CSMD1: variants seen among roughly 807,000 people sequenced by gnomAD.
CSMD1 encodes CUB and sushi domain-containing protein 1.
In CSMD1, 213 loss-of-function variants were observed where a neutral mutation model predicts 417.5. The observed-to-expected ratio is 0.51, with a 90% confidence interval of 0.46 to 0.57. The LOEUF is 0.57. CSMD1 is among the 20% of genes least tolerant of loss of function. CSMD1 has a pLI of 0.00. For missense variants in CSMD1, 6,923 were observed against 4,529.7 expected (o/e 1.53, Z -15.17); for synonymous variants, 2,862 against 1,736.8 (o/e 1.65, Z -16.11).
intron 25 of CSMD1, among the ~76,000 whole-genome samples, chr8:3,300,611 A>C (rs1482311098): frequency 1.3e-5 from 2 of 152,136 alleles, no homozygotes; most frequent in African/African-American, 2.4e-5. Flanking sequence ...ATATAAATAT[A>C]AGCAAAGATT....
intron 3 of CSMD1, among the ~76,000 whole-genome samples, chr8:4,161,460 TG>T (rs1313860440): frequency 6.6e-6 from 1 of 152,230 alleles, no homozygotes; most frequent in African/African-American, 2.4e-5. Flanking sequence ...ATAAGTTGAA[TG>T]GCTTACTCAA....
intron 3 of CSMD1, among the ~76,000 whole-genome samples, chr8:4,206,927 C>T (rs758617105): frequency 6.6e-6 from 1 of 152,048 alleles, no homozygotes; most frequent in African/African-American, 2.4e-5. Context: ...GGGCAAATTG[C>T]CCTCCTCTTT....
At chr8:4,852,329 G>A (rs1330277334) in intron 1 of CSMD1, among the ~76,000 whole-genome samples, 1 of 152,060 alleles carries the variant, frequency 6.6e-6, no homozygotes, top group Non-Finnish European at 1.5e-5. Context: ...TGCTATCCTT[G>A]CAACAGTGAG....
At chr8:4,315,826 G>C (rs1441601483) in intron 3 of CSMD1, among the ~76,000 whole-genome samples, 1 of 152,140 alleles carries the variant, frequency 6.6e-6, no homozygotes, top group South Asian at 2.1e-4. Context: ...TTCTTCAGAA[G>C]CGTTTTCAAA....
At chr8:4,540,772 C>G (rs950901428) in intron 2 of CSMD1, among the ~76,000 whole-genome samples, 5 of 152,024 alleles carry the variant, frequency 3.3e-5, no homozygotes, top group Non-Finnish European at 7.4e-5. Flanking sequence ...TTAATCATCC[C>G]GGACCAGTGA....
chr8:3,781,451 G>C (rs1010569580), intron 5 of CSMD1, among the ~76,000 whole-genome samples: 1 of 152,056 alleles, frequency 6.6e-6, no homozygotes, highest in Non-Finnish European at 1.5e-5. Context: ...TCCTCTCAGA[G>C]AATACGGGTT....
intron 1 of CSMD1, among the ~76,000 whole-genome samples, chr8:4,860,888 C>T (rs1179189019): frequency 2.6e-5 from 4 of 152,120 alleles, no homozygotes; most frequent in African/African-American, 7.3e-5. Flanking sequence ...GCTAGAGAAA[C>T]CTTCCTCTGA....
chr8:4,850,911 C>G (rs927929333), intron 1 of CSMD1, among the ~76,000 whole-genome samples: 3 of 147,534 alleles, frequency 2.0e-5, no homozygotes, highest in African/African-American at 7.6e-5. Flanking sequence ...CCCTTGCCCC[C>G]CCACTTTTTG....
rs557999243 is a variant in CSMD1, at chr8:4,189,719, C to G, written c.416-157620G>C. On this transcript the variant is annotated intron_variant, in intron 3 of 69. Coordinates refer to ENST00000635120, the MANE Select transcript of CSMD1 (RefSeq NM_033225.6). Reference sequence around the variant, plus strand: ...TGAGAATTAATTTTTCATTTGTATTCTAATTAATACTTTTGACATTAGAAA... The same window carrying G: ...TGAGAATTAATTTTTCATTTGTATTGTAATTAATACTTTTGACATTAGAAA... Among the ~76,000 whole-genome samples, 157 of 152,074 alleles carry G rather than the reference C, an allele frequency of 1.0e-3. 6 individuals carry two copies. In the South Asian group the frequency reaches 0.013, roughly 13 times the overall value.
intron 25 of CSMD1, among the ~76,000 whole-genome samples, chr8:3,300,647 A>T (rs1804320057): frequency 1.3e-5 from 2 of 152,116 alleles, no homozygotes; most frequent in South Asian, 4.1e-4. Context: ...TTGTCACATC[A>T]TTATGTACAA....
chr8:4,356,136 C>A (rs755448341), intron 3 of CSMD1, among the ~76,000 whole-genome samples: 1 of 152,152 alleles, frequency 6.6e-6, no homozygotes, highest in East Asian at 1.9e-4. Context: ...TTCCCAAAGT[C>A]CATTGTATCT....
At chr8:3,221,059 A>G (rs894339630) in intron 28 of CSMD1, among the ~76,000 whole-genome samples, 3 of 152,100 alleles carry the variant, frequency 2.0e-5, no homozygotes, top group Non-Finnish European at 4.4e-5. Context: ...GTAATCACTA[A>G]AATGTTCTAG....
rs772264271 is a variant in CSMD1 at position 3,223,778 on chromosome 8, A to G, written c.4435T>C (p.Trp1479Arg). The G allele has an allele frequency of 1.2e-6, 2 of 1,613,968 alleles. No individual in the cohort carries two copies. Among genetic ancestry groups the G allele is most frequent in the South Asian group, 1.1e-5 (1 of 91,086 alleles). Residue 1479 changes from tryptophan to arginine, a missense_variant, in exon 28 of 70, where the codon TGG (tryptophan) becomes CGG (arginine). Trp to Arg is a moderately radical substitution (Grantham distance 101). Coordinates refer to ENST00000635120, the MANE Select transcript of CSMD1 (RefSeq NM_033225.6). ...QPYPPGKECDWRVKVNPDFVI... is the reference protein window; with the variant it reads ...QPYPPGKECDRRVKVNPDFVI... ...AAGTCCGGGTTCACTTTTACTCTCC[A>G]GTCACATTCCTTCCCAGGAGGATAC...
At chr8:3,675,727 C>A (rs1221695263) in intron 7 of CSMD1, among the ~76,000 whole-genome samples, 1 of 152,038 alleles carries the variant, frequency 6.6e-6, no homozygotes, top group African/African-American at 2.4e-5. Context: ...CTATAAGCAC[C>A]TTGATCTTGG....
intron 1 of CSMD1, among the ~76,000 whole-genome samples, chr8:4,811,936 G>T (rs762799300): frequency 2.6e-5 from 4 of 152,160 alleles, no homozygotes; most frequent in South Asian, 2.1e-4. Flanking sequence ...TCTGATAGGC[G>T]CATTAGAATA....
chr8:3,364,329 G>A (rs948005536), intron 20 of CSMD1, among the ~76,000 whole-genome samples: 1 of 152,096 alleles, frequency 6.6e-6, no homozygotes. Context: ...AAGACTTTCT[G>A]CTTGTGTGCA....
At chr8:3,609,427 C>A (rs1216667710) in intron 8 of CSMD1, among the ~76,000 whole-genome samples, 1 of 152,190 alleles carries the variant, frequency 6.6e-6, no homozygotes, top group Non-Finnish European at 1.5e-5. Flanking sequence ...TGTCCCCAAA[C>A]TGACTTGAAT....
chr8:4,684,696 T>C (rs539647305), intron 1 of CSMD1, among the ~76,000 whole-genome samples: 9 of 152,308 alleles, frequency 5.9e-5, no homozygotes, highest in African/African-American at 2.2e-4. Context: ...ATACATACGC[T>C]TTCCCTGTCT....
At chr8:3,516,461 A>G (rs929430920) in intron 10 of CSMD1, among the ~76,000 whole-genome samples, 3 of 152,124 alleles carry the variant, frequency 2.0e-5, no homozygotes, top group African/African-American at 7.2e-5. Context: ...GAGTCATTGG[A>G]GTTGCCACTT....
Sources: allele counts gnomAD v4.1 joint callset (sites outside exome capture counted in the v4.1 genomes callset), GRCh38; gene constraint gnomAD v4.1.1; transcripts MANE v1.5; gene names NCBI Gene and HGNC (gene_info 2026-07-23, HGNC 2026-07-21).